The following CFAP210 variants were observed in gnomAD, a reference collection of about 807,000 sequenced individuals.
The protein encoded by CFAP210 is cilia- and flagella- associated protein 210.
the CFAP210 span, among the ~76,000 whole-genome samples, chr2:169,675,700 A>C: frequency 0.1 from 15,209 of 152,218 alleles, 967 homozygotes; most frequent in Middle Eastern, 0.19. Flanking sequence ...CATCCAAACT[A>C]TATCACCTTC....
chr2:169,654,858 TAC>T, the CFAP210 span, among the ~76,000 whole-genome samples: 1 of 152,136 alleles, frequency 6.6e-6, no homozygotes, highest in East Asian at 1.9e-4. Context: ...TTTTTTTACA[TAC>T]ACAGTGTAGC....
chr2:169,694,187 G>GGCATCCTCGCCTCTCACTCC, the CFAP210 span: 9 of 1,441,290 alleles, frequency 6.2e-6, no homozygotes, highest in South Asian at 4.6e-5. Context: ...GCCCTCATTC[G>GGCATCCTCGCCTCTCACTCC]GCATCCTCGC....
chr2:169,694,399 G>C, the CFAP210 span: 4 of 1,449,354 alleles, frequency 2.8e-6, no homozygotes, highest in Non-Finnish European at 3.9e-6. Context: ...GTTGTTACTC[G>C]TACCACGCGG....
the CFAP210 span, among the ~76,000 whole-genome samples, chr2:169,659,543 A>G: frequency 6.6e-6 from 1 of 152,194 alleles, no homozygotes; most frequent in Admixed American, 6.5e-5. Flanking sequence ...ACAAGACAGC[A>G]CTAGGAGGAT....
chr2:169,647,604 T>C, the CFAP210 span, among the ~76,000 whole-genome samples: 2 of 152,164 alleles, frequency 1.3e-5, no homozygotes, highest in Non-Finnish European at 2.9e-5. Context: ...AAGTATTTGA[T>C]CAAGAAAACT....
the CFAP210 span, among the ~76,000 whole-genome samples, chr2:169,678,360 A>AAAAAG: frequency 7.4e-6 from 1 of 134,394 alleles, no homozygotes; most frequent in African/African-American, 2.8e-5. Flanking sequence ...AAAAAAAAAA[A>AAAAAG]AAAGAAAGAA....
the CFAP210 span, chr2:169,648,296 GA>G: frequency 5.7e-6 from 1 of 176,098 alleles, no homozygotes; most frequent in African/African-American, 2.4e-5. Flanking sequence ...TCAGACTGGA[GA>G]AAAGAGGGGA....
chr2:169,689,286 T>C, the CFAP210 span, among the ~76,000 whole-genome samples: 28 of 152,314 alleles, frequency 1.8e-4, no homozygotes, highest in Admixed American at 1.6e-3. Context: ...TATCTTTAAT[T>C]TTTTCAATAA....
the CFAP210 span, among the ~76,000 whole-genome samples, chr2:169,653,815 C>G: frequency 6.6e-6 from 1 of 152,200 alleles, no homozygotes; most frequent in Non-Finnish European, 1.5e-5. Flanking sequence ...TCATCTGTAT[C>G]GACAACTCCA....
chr2:169,667,607 TGCAGAATGGACGTTATGTTAACA>T, the CFAP210 span, among the ~76,000 whole-genome samples: 7 of 152,188 alleles, frequency 4.6e-5, no homozygotes, highest in South Asian at 6.2e-4. Flanking sequence ...ATCCATGGGC[TGCAGAATGGACGTTATGTTAACA>T]GCCATGAAAA....
the CFAP210 span, among the ~76,000 whole-genome samples, chr2:169,667,072 C>A: frequency 6.6e-6 from 1 of 151,892 alleles, no homozygotes; most frequent in African/African-American, 2.4e-5. Flanking sequence ...AGTTTGGAAT[C>A]AACTTCTTCC....
At chr2:169,655,932 G>A in the CFAP210 span, among the ~76,000 whole-genome samples, 4 of 152,180 alleles carry the variant, frequency 2.6e-5, no homozygotes, top group East Asian at 1.9e-4. Flanking sequence ...CCTAAGCTTC[G>A]TTAGCAGCAG....
the CFAP210 span, among the ~76,000 whole-genome samples, chr2:169,672,968 CA>C: frequency 5.3e-5 from 8 of 152,270 alleles, no homozygotes; most frequent in South Asian, 1.7e-3. Flanking sequence ...GTCTTACCCA[CA>C]TAACTGAATT....
At chr2:169,648,722 A>G in the CFAP210 span, among the ~76,000 whole-genome samples, 1 of 152,212 alleles carries the variant, frequency 6.6e-6, no homozygotes, top group Non-Finnish European at 1.5e-5. Flanking sequence ...GCTTGCATAC[A>G]TTGCTGGTAG....
At chr2:169,655,580 T>C in the CFAP210 span, among the ~76,000 whole-genome samples, 1 of 141,968 alleles carries the variant, frequency 7.0e-6, no homozygotes, top group African/African-American at 2.6e-5. Context: ...TATTCTAATA[T>C]TCACAAAGAC....
At chr2:169,687,672 T>C in the CFAP210 span, among the ~76,000 whole-genome samples, 2 of 152,182 alleles carry the variant, frequency 1.3e-5, no homozygotes, top group African/African-American at 4.8e-5. Context: ...CGGACTGGCA[T>C]TGAGTGTCTG....
chr2:169,674,985 G>C, the CFAP210 span: 6 of 1,543,682 alleles, frequency 3.9e-6, no homozygotes, highest in Non-Finnish European at 5.2e-6. Context: ...TTGTCTTTCT[G>C]CCTCTATTTC....
chr2:169,682,306 G>C, the CFAP210 span, among the ~76,000 whole-genome samples: 6 of 152,154 alleles, frequency 3.9e-5, no homozygotes, highest in Admixed American at 3.9e-4. Context: ...AGCTATATAT[G>C]CAAGACATCA....
chr2:169,660,608 T>A, the CFAP210 span, among the ~76,000 whole-genome samples: 1,460 of 124,246 alleles, frequency 0.012, 10 homozygotes, highest in Non-Finnish European at 0.016. Flanking sequence ...ATATATATTT[T>A]TTTTTTTTTC....
Sources: gnomAD v4.1 joint callset for allele counts (sites outside exome capture counted in the v4.1 genomes callset) on GRCh38, gnomAD v4.1.1 for gene constraint, MANE v1.5 for transcripts, NCBI Gene and HGNC (gene_info 2026-07-23, HGNC 2026-07-21) for gene names.